Variants in SH3PXD2B observed in about 807,000 individuals in gnomAD.
The protein encoded by SH3PXD2B is SH3 and PX domains 2B.
Under a neutral mutation model 73.1 loss-of-function variants are expected in SH3PXD2B, and 37 were observed. The observed-to-expected ratio is 0.51, with a 90% confidence interval of 0.39 to 0.67. SH3PXD2B has a LOEUF of 0.67. Ranked by LOEUF, SH3PXD2B falls within the 30% of genes least tolerant of loss-of-function variation. SH3PXD2B has a pLI of 0.00. For missense variants in SH3PXD2B, 1,053 were observed against 1,197.8 expected (o/e 0.88, Z 1.78); for synonymous variants, 457 against 480.5 (o/e 0.95, Z 0.64).
chr5:172,422,362 G>A (rs1223761529), intron 2 of SH3PXD2B, 54 bp downstream of exon 2: 80 of 1,467,204 alleles, frequency 5.5e-5, no homozygotes, highest in Non-Finnish European at 7.0e-5. Flanking sequence ...TGGAATGTAA[G>A]TCCAATTAAA....
At chr5:172,410,937 T>C (rs1037531088) in intron 2 of SH3PXD2B, among the ~76,000 whole-genome samples, 1 of 152,218 alleles carries the variant, frequency 6.6e-6, no homozygotes, top group Non-Finnish European at 1.5e-5. Context: ...AGCCAGTCCA[T>C]GCATCTTTGT....
At position 172,333,555 on chromosome 5, in the gene SH3PXD2B, G is replaced by A; in HGVS notation, c.*4814C>T. ...TTTTTTTATTTAAAAAAAAAAAAAG[G>A]AAAGAAGTCAAATGGTAAAGTATAT... is the stretch of plus-strand genomic sequence containing the variant. On this transcript the variant is annotated 3_prime_UTR_variant, in exon 13 of 13. Coordinates refer to ENST00000311601, the MANE Select transcript of SH3PXD2B (RefSeq NM_001017995.3). 1.5e-5 allele frequency: 17 copies of A among 1,156,858 alleles called. No individual in the cohort carries two copies. The highest frequency in any genetic ancestry group is 2.5e-4 in the Middle Eastern group (1 of 3,996). 71.7% of individuals were successfully genotyped at this position (1,156,858 alleles called of 1,614,324 possible).
intron 3 of SH3PXD2B, among the ~76,000 whole-genome samples, chr5:172,398,314 T>A (rs559501841): frequency 1.3e-5 from 2 of 152,336 alleles, no homozygotes; most frequent in East Asian, 3.9e-4. Flanking sequence ...TTGTGAAAAA[T>A]TTGCTTTTAC....
chr5:172,330,544 A>G (rs898375312), downstream of SH3PXD2B, among the ~76,000 whole-genome samples: 3 of 152,244 alleles, frequency 2.0e-5, no homozygotes, highest in Admixed American at 2.0e-4. Context: ...ATTGCACACT[A>G]GTATGTAAGA....
At position 172,358,791 on chromosome 5, in the gene SH3PXD2B, A is replaced by G. The variant is rs745849269; in HGVS notation, c.649T>C (p.Ser217Pro). 6.2e-7 allele frequency: 1 copy of G among 1,613,276 alleles called. No homozygotes were observed. Among genetic ancestry groups the G allele is most frequent in the Non-Finnish European group, 8.5e-7 (1 of 1,179,700 alleles). Residue 217 changes from serine (S) to proline (P), a missense_variant, in exon 8 of 13, where the codon TCT (serine) becomes CCT (proline). Ser to Pro is a moderately conservative substitution (Grantham distance 74). Around this residue, in one of 2 missense-constraint regions of SH3PXD2B, gnomAD observed 466 missense variants for 607.1 expected, o/e 0.77. Transcript: ENST00000311601. ...TCCCTACCTTCTTCAGGCTGCAGAG[A>G]AAACTCATCCTGCACCCCATCCTGG... ...EGQDGVQDEF[S>P]LQPEEEEKYT... is the part of the protein sequence containing the mutation.
chr5:172,371,875 C>T (rs1561910241), intron 6 of SH3PXD2B, among the ~76,000 whole-genome samples: 1 of 152,228 alleles, frequency 6.6e-6, no homozygotes, highest in Non-Finnish European at 1.5e-5. Context: ...CTCCTCTTCT[C>T]TCTGCTCTTT....
intron 4 of SH3PXD2B, among the ~76,000 whole-genome samples, chr5:172,386,652 A>G (rs1187717895): frequency 6.6e-6 from 1 of 151,930 alleles, no homozygotes; most frequent in Non-Finnish European, 1.5e-5. Context: ...TGTTTTTGAG[A>G]CAGGGTCTGG....
At position 172,394,522 on chromosome 5, in the gene SH3PXD2B, A is replaced by G. The variant is rs368977319; in HGVS notation, c.309+41T>C. On this transcript the variant is annotated intron_variant, in intron 4 of 12. Transcript: ENST00000311601. Reference sequence around the variant, plus strand: ...CCAGAAAAAGAAAAGAAAACAGAATACACCTACAGGGAAGACTGCGTGGGC... The same window carrying G: ...CCAGAAAAAGAAAAGAAAACAGAATGCACCTACAGGGAAGACTGCGTGGGC... 8.7e-6 allele frequency: 14 copies of G among 1,600,386 alleles called. No homozygotes were observed. The African/African-American group carries it at 1.6e-4, about 18-fold the overall frequency.
At position 172,335,758 on chromosome 5, in the gene SH3PXD2B, A is replaced by T. The variant is rs996590394; in HGVS notation, c.*2611T>A. The T allele has an allele frequency of 1.6e-6, 2 of 1,230,938 alleles. No individual in the cohort carries two copies. The highest frequency in any genetic ancestry group is 2.0e-6 in the Non-Finnish European group (2 of 987,738). 76.3% of individuals were successfully genotyped at this position (1,230,938 alleles called of 1,614,324 possible). A position where few individuals can be genotyped will look rare whatever the true frequency, so the allele number is the denominator to read the frequency against. ...GTCCCCAGGCAAGGACAGCTAGGAG[A>T]GTGACTGGCCACCCTGACCCACCCA... On this transcript the variant is annotated 3_prime_UTR_variant, in exon 13 of 13. Transcript: ENST00000311601.
At chr5:172,370,293 C>T (rs1757671332) in intron 6 of SH3PXD2B, among the ~76,000 whole-genome samples, 1 of 152,190 alleles carries the variant, frequency 6.6e-6, no homozygotes, top group African/African-American at 2.4e-5. Context: ...TCAACTTTTG[C>T]CACCCAGTTT....
chr5:172,373,668 A>G, intron 6 of SH3PXD2B, 122 bp downstream of exon 6: 2 of 1,150,390 alleles, frequency 1.7e-6, no homozygotes, highest in Non-Finnish European at 2.5e-6. Flanking sequence ...CCTCCTGCCA[A>G]CCATCCACCC....
chr5:172,389,057 C>CTTTTTTT (rs113765077), intron 4 of SH3PXD2B, among the ~76,000 whole-genome samples: 1 of 136,544 alleles, frequency 7.3e-6, no homozygotes, highest in Non-Finnish European at 1.6e-5. Context: ...TTTACTTTTT[C>CTTTTTTT]TTTTTTTTTT....
intron 9 of SH3PXD2B, among the ~76,000 whole-genome samples, chr5:172,352,264 G>T (rs946398476): frequency 3.3e-5 from 5 of 152,152 alleles, no homozygotes; most frequent in Non-Finnish European, 7.3e-5. Context: ...GGGTCTTGTT[G>T]TGCTGCCTAG....
chr5:172,448,431 A>G (rs1759723591), intron 1 of SH3PXD2B, among the ~76,000 whole-genome samples: 1 of 152,026 alleles, frequency 6.6e-6, no homozygotes, highest in Non-Finnish European at 1.5e-5. Context: ...GCTCACTGCA[A>G]CCTCCACCTC....
chr5:172,414,206 C>T (rs983953045), intron 2 of SH3PXD2B, among the ~76,000 whole-genome samples: 3 of 152,120 alleles, frequency 2.0e-5, no homozygotes, highest in East Asian at 1.9e-4. Context: ...CAGTGGCTCA[C>T]GCCTGTAATC....
In SH3PXD2B at chr5:172,445,099, G is replaced by A. The variant is rs1759634724; in HGVS notation, c.75+9179C>T. Among the ~76,000 whole-genome samples the A allele has an allele frequency of 1.3e-5, 2 of 152,142 alleles. No individual in the cohort carries two copies. The highest frequency in any genetic ancestry group is 2.9e-5 in the Non-Finnish European group (2 of 68,032). On this transcript the variant is annotated intron_variant, in intron 1 of 12. Coordinates refer to ENST00000311601, the MANE Select transcript of SH3PXD2B (RefSeq NM_001017995.3). The surrounding 1 kb of genome is among the most constrained non-coding windows in gnomAD (Gnocchi z 5.2). ...GCCCACTTGGCAGCATCCCTCCCAT[G>A]CTTTGTGACTGGCCTCAGGTCACCT...
At chr5:172,389,170 C>A (rs560335106) in intron 4 of SH3PXD2B, among the ~76,000 whole-genome samples, 3 of 151,862 alleles carry the variant, frequency 2.0e-5, no homozygotes. Flanking sequence ...ATTCTCCTGC[C>A]TCAGCCTCCT....
intron 4 of SH3PXD2B, among the ~76,000 whole-genome samples, chr5:172,391,920 T>C (rs1758200363): frequency 1.3e-5 from 2 of 152,212 alleles, no homozygotes; most frequent in Non-Finnish European, 2.9e-5. Context: ...TTCTCCTATG[T>C]TTTCTTCTAG....
chr5:172,424,843 G>A (rs1178915894), intron 1 of SH3PXD2B, among the ~76,000 whole-genome samples: 1 of 152,166 alleles, frequency 6.6e-6, no homozygotes, highest in East Asian at 1.9e-4. Flanking sequence ...GAAAAGCTCT[G>A]AGCACCTTGC....
Sources: gnomAD v4.1 joint callset for allele counts (sites outside exome capture counted in the v4.1 genomes callset) on GRCh38, gnomAD v4.1.1 for gene constraint, gnomAD v4.1.1 regional missense constraint, Gnocchi (gnomAD v3.1) non-coding constraint, MANE v1.5 for transcripts, NCBI Gene and HGNC (gene_info 2026-07-23, HGNC 2026-07-21) for gene names.